The following KDM2B variants were observed in gnomAD, a reference collection of about 807,000 sequenced individuals.
KDM2B encodes the protein lysine-specific demethylase 2B.
In KDM2B, 26 loss-of-function variants were observed where a neutral mutation model predicts 150.0. That is an observed-to-expected ratio of 0.17 (90% CI 0.13 to 0.24). The LOEUF (loss-of-function observed/expected upper bound fraction) is 0.24, where lower values mean the gene tolerates loss of function less well. Ranked by LOEUF, KDM2B falls within the 10% of genes least tolerant of loss-of-function variation. The pLI, the probability that KDM2B is intolerant of heterozygous loss-of-function variation, is 1.00. For missense variants in KDM2B, 1,265 were observed against 1,816.9 expected (o/e 0.70, Z 5.52); for synonymous variants, 734 against 729.5 (o/e 1.01, Z -0.10).
At chr12:121,470,429 G>A (rs1176436592) in intron 12 of KDM2B, 2 of 152,148 alleles carry the variant, frequency 1.3e-5, no homozygotes, top group Non-Finnish European at 2.9e-5. Flanking sequence ...AGAAAATTAG[G>A]GAGTGGCTTT....
At position 121,520,497 on chromosome 12, in the gene KDM2B, C is replaced by T. The variant is rs1258670559; in HGVS notation, c.1047+488G>A. ...TGGAGACTACCTCAGAGACAGTACC[C>T]AGGGGGACTCAGGCACTGGCTTCCT... On this transcript the variant is annotated intron_variant, in intron 9 of 22. Transcript: ENST00000377071. This position sits in a 1 kb window ranked among gnomAD's most constrained non-coding sequence, Gnocchi z 4.5. Among the ~76,000 whole-genome samples, 6 of 152,130 alleles carry T rather than the reference C, an allele frequency of 3.9e-5. No homozygotes were observed. Among genetic ancestry groups the T allele is most frequent in the Non-Finnish European group, 8.8e-5 (6 of 68,026 alleles).
downstream of KDM2B, among the ~76,000 whole-genome samples, chr12:121,427,229 T>C (rs568972734): frequency 2.0e-5 from 3 of 152,208 alleles, no homozygotes; most frequent in East Asian, 3.9e-4. Context: ...GCTGGCCTCA[T>C]CTTTGGCTCA....
intron 8 of KDM2B, among the ~76,000 whole-genome samples, chr12:121,526,073 C>T (rs28634485): frequency 0.022 from 3,289 of 152,186 alleles, 115 homozygotes; most frequent in African/African-American, 0.075. Context: ...TAAATGAAGC[C>T]GAGACTGGTA....
chr12:121,475,243 T>C (rs940114729), intron 12 of KDM2B, among the ~76,000 whole-genome samples: 11 of 150,414 alleles, frequency 7.3e-5, no homozygotes, highest in Non-Finnish European at 1.5e-4. Context: ...ATCAGACATG[T>C]CTTCCCTAGG....
intron 4 of KDM2B, 121 bp downstream of exon 4, chr12:121,574,426 C>T (rs941887823): frequency 7.8e-5 from 69 of 884,114 alleles, no homozygotes; most frequent in Non-Finnish European, 1.2e-4. Context: ...CTGCTCCTGC[C>T]TTCTCCCGTG....
the KDM2B span, chr12:121,417,439 A>T: frequency 7.0e-7 from 1 of 1,420,246 alleles, no homozygotes; most frequent in Non-Finnish European, 9.6e-7. The surrounding 1 kb of genome is among the most constrained non-coding windows in gnomAD (Gnocchi z 5.0). Context: ...TAGAAGGCAG[A>T]AAGAAAACTC....
chr12:121,534,324 G>A (rs536747041), intron 7 of KDM2B, among the ~76,000 whole-genome samples, 173 bp downstream of exon 7: 73 of 151,656 alleles, frequency 4.8e-4, no homozygotes, highest in Admixed American at 1.1e-3. Flanking sequence ...ACTCCAGCCT[G>A]GGCGACAGAG....
At chr12:121,554,365 G>A (rs1213567026) in intron 4 of KDM2B, among the ~76,000 whole-genome samples, 7 of 151,804 alleles carry the variant, frequency 4.6e-5, no homozygotes, top group Non-Finnish European at 7.4e-5. Flanking sequence ...CCAAATAAAT[G>A]TATACCTTGT....
the KDM2B span, among the ~76,000 whole-genome samples, chr12:121,415,054 C>A: frequency 1.3e-5 from 2 of 151,886 alleles, no homozygotes; most frequent in Non-Finnish European, 2.9e-5. Flanking sequence ...CGAGATCACG[C>A]CATTACACTC....
At chr12:121,416,521 A>G in the KDM2B span, 9 of 631,570 alleles carry the variant, frequency 1.4e-5, no homozygotes, top group South Asian at 1.8e-4. Context: ...ATCTAGAAAA[A>G]TACTTAATTG....
Position 121,537,284 on chromosome 12 carries a change from C to G in KDM2B, c.684-2694G>C, listed in dbSNP as rs1432429853. Reference sequence around the variant, plus strand: ...CCCCCCTGGCTGGTTTGCTCGCTCGCTCTGGCGTGACGCCTTTGCACTGAC... The same window carrying G: ...CCCCCCTGGCTGGTTTGCTCGCTCGGTCTGGCGTGACGCCTTTGCACTGAC... On this transcript the variant is annotated intron_variant, in intron 6 of 22. Coordinates refer to ENST00000377071, the MANE Select transcript of KDM2B (RefSeq NM_032590.5). The surrounding 1 kb of genome is among the most constrained non-coding windows in gnomAD (Gnocchi z 8.7). 2 of 152,948 alleles carry G rather than the reference C, an allele frequency of 1.3e-5. No individual in the cohort carries two copies. Among genetic ancestry groups the G allele is most frequent in the Middle Eastern group, 3.4e-3 (1 of 296 alleles). The allele number at this position is 152,948 out of a possible 1,614,324, so 9.5% of individuals were successfully genotyped here. A position where few individuals can be genotyped will look rare whatever the true frequency, so the allele number is the denominator to read the frequency against.
the KDM2B span, among the ~76,000 whole-genome samples, chr12:121,413,570 C>G: frequency 6.7e-6 from 1 of 149,326 alleles, no homozygotes; most frequent in Non-Finnish European, 1.5e-5. Context: ...TGCCACCATG[C>G]CCAGCTTTTT....
intron 11 of KDM2B, among the ~76,000 whole-genome samples, chr12:121,508,450 A>G (rs370928036): frequency 1.4e-4 from 22 of 152,318 alleles, no homozygotes; most frequent in African/African-American, 5.3e-4. Context: ...AAGTAAATAC[A>G]ATGAACAAAT....
intron 11 of KDM2B, among the ~76,000 whole-genome samples, chr12:121,499,993 T>C (rs1288161360): frequency 6.6e-6 from 1 of 151,758 alleles, no homozygotes; most frequent in East Asian, 1.9e-4. Context: ...AAAAAGAATT[T>C]TCCCCAAGTG....
intron 6 of KDM2B, among the ~76,000 whole-genome samples, chr12:121,542,873 G>A (rs1264440100): frequency 6.6e-6 from 1 of 152,062 alleles, no homozygotes; most frequent in South Asian, 2.1e-4. Context: ...TATGCTCCAC[G>A]AGAATGGGGA....
At chr12:121,484,851 T>C (rs1192971574) in intron 12 of KDM2B, among the ~76,000 whole-genome samples, 1 of 151,648 alleles carries the variant, frequency 6.6e-6, no homozygotes, top group East Asian at 1.9e-4. Context: ...AAAATAAAAA[T>C]AAATAAAGAA....
At chr12:121,580,692 AC>A (rs1177537105) in intron 1 of KDM2B, 93 bp downstream of exon 1, 13 of 1,053,782 alleles carry the variant, frequency 1.2e-5, no homozygotes, top group Non-Finnish European at 1.6e-5. Context: ...GGGGCCTGGC[AC>A]CCCCAAAAAC....
At position 121,462,238 on chromosome 12, in the gene KDM2B, C is replaced by G. The variant is rs527465139; in HGVS notation, c.1735-8894G>C. Reference sequence around the variant, plus strand: ...AGCATAATGGACAGCCCAGGAAAAGCTGGATTTTACCAGAGTGTTGCAGGC... The same window carrying G: ...AGCATAATGGACAGCCCAGGAAAAGGTGGATTTTACCAGAGTGTTGCAGGC... On this transcript the variant is annotated intron_variant, in intron 12 of 22. Coordinates refer to ENST00000377071, the MANE Select transcript of KDM2B (RefSeq NM_032590.5). Among the ~76,000 whole-genome samples the G allele has an allele frequency of 1.3e-4, 20 of 152,268 alleles. No individual in the cohort carries two copies. In the South Asian group the frequency reaches 3.7e-3, roughly 28 times the overall value.
chr12:121,428,572 T>A (rs1872629949), downstream of KDM2B, among the ~76,000 whole-genome samples: 1 of 152,224 alleles, frequency 6.6e-6, no homozygotes, highest in Non-Finnish European at 1.5e-5. Flanking sequence ...AGGGGCAACA[T>A]CGTACATTGC....
Sources: allele counts gnomAD v4.1 joint callset (sites outside exome capture counted in the v4.1 genomes callset), GRCh38; gene constraint gnomAD v4.1.1; non-coding constraint Gnocchi (gnomAD v3.1); transcripts MANE v1.5; gene names NCBI Gene and HGNC (gene_info 2026-07-23, HGNC 2026-07-21).